Variants in KCNIP4 observed in about 807,000 individuals in gnomAD.
The protein encoded by KCNIP4 is Kv channel-interacting protein 4.
In KCNIP4, 12 loss-of-function variants were observed where a neutral mutation model predicts 34.0. The ratio of observed to expected loss-of-function variants is 0.35; its 90% CI spans 0.23 to 0.57. KCNIP4 has a LOEUF of 0.57. Among genes scored for constraint, KCNIP4 ranks in the 20% least tolerant of loss-of-function variants. The pLI, the probability that KCNIP4 is intolerant of heterozygous loss-of-function variation, is 0.83. For synonymous variants in KCNIP4, 124 were observed against 102.2 expected, an observed-to-expected ratio of 1.21 and a Z score of -1.29; for missense variants, 238 against 311.7, an observed-to-expected ratio of 0.76 and a Z score of 1.78.
At chr4:21,050,284 A>G (rs1177370029) in intron 1 of KCNIP4, among the ~76,000 whole-genome samples, 1 of 152,184 alleles carries the variant, frequency 6.6e-6, no homozygotes, top group Non-Finnish European at 1.5e-5. Context: ...GTCTCATTTA[A>G]ATATAACTAA....
intron 1 of KCNIP4, among the ~76,000 whole-genome samples, chr4:21,577,414 G>T (rs1560530542): frequency 6.6e-6 from 1 of 152,058 alleles, no homozygotes. Context: ...CAGACCACCT[G>T]AGGTCAGGTG....
At chr4:21,894,522 A>G (rs1390001555) in intron 1 of KCNIP4, among the ~76,000 whole-genome samples, 2 of 152,146 alleles carry the variant, frequency 1.3e-5, no homozygotes, top group African/African-American at 4.8e-5. Context: ...GGAAACACAG[A>G]GCTTACAAAA....
At chr4:21,537,678 C>T (rs895890544) in intron 1 of KCNIP4, among the ~76,000 whole-genome samples, 2 of 151,950 alleles carry the variant, frequency 1.3e-5, no homozygotes, top group Non-Finnish European at 2.9e-5. Flanking sequence ...TTAGAGAGGG[C>T]CCTGAACCCA....
intron 1 of KCNIP4, among the ~76,000 whole-genome samples, chr4:20,910,790 T>C (rs1489970204): frequency 6.6e-6 from 1 of 152,190 alleles, no homozygotes; most frequent in Non-Finnish European, 1.5e-5. Flanking sequence ...TCTGATGGCA[T>C]TGCACTGAAG....
intron 1 of KCNIP4, among the ~76,000 whole-genome samples, chr4:21,624,237 A>T (rs898487770): frequency 6.6e-6 from 1 of 152,208 alleles, no homozygotes; most frequent in Non-Finnish European, 1.5e-5. Context: ...GAAGAGTAAT[A>T]ACTAGCTCAT....
intron 1 of KCNIP4, among the ~76,000 whole-genome samples, chr4:21,126,617 C>CAAAAAAAAAAAAAAAAA (rs71655615): frequency 2.4e-5 from 2 of 82,064 alleles, no homozygotes; most frequent in African/African-American, 4.3e-5. Context: ...AGAGAAATAG[C>CAAAAAAAAAAAAAAAAA]AAAAAAAAAA....
At chr4:20,748,659 C>T (rs1045386821) in intron 5 of KCNIP4, among the ~76,000 whole-genome samples, 1 of 135,194 alleles carries the variant, frequency 7.4e-6, no homozygotes, top group Non-Finnish European at 1.6e-5. Context: ...AATCACAAAG[C>T]AAAATATGTA....
chr4:20,950,270 T>C (rs1230451854), intron 1 of KCNIP4, among the ~76,000 whole-genome samples: 1 of 152,134 alleles, frequency 6.6e-6, no homozygotes, highest in Non-Finnish European at 1.5e-5. Flanking sequence ...GATCTAGCTG[T>C]AGCTAGCATG....
At chr4:20,827,362 C>G (rs1489141372) in intron 3 of KCNIP4, among the ~76,000 whole-genome samples, 2 of 152,158 alleles carry the variant, frequency 1.3e-5, no homozygotes, top group Admixed American at 6.5e-5. Flanking sequence ...TTGCAGATGA[C>G]TAGCCTCTTG....
At chr4:21,677,598 G>A (rs1210578735) in intron 1 of KCNIP4, among the ~76,000 whole-genome samples, 1 of 152,170 alleles carries the variant, frequency 6.6e-6, no homozygotes, top group Non-Finnish European at 1.5e-5. Context: ...AGGGCATCCT[G>A]TTCCACTGGT....
intron 1 of KCNIP4, among the ~76,000 whole-genome samples, chr4:20,920,005 T>G (rs1439584763): frequency 6.6e-6 from 1 of 152,180 alleles, no homozygotes; most frequent in Admixed American, 6.5e-5. Context: ...GTAATGTTTA[T>G]TGAATGGCTC....
At chr4:20,900,779 T>G (rs1727078768) in intron 1 of KCNIP4, among the ~76,000 whole-genome samples, 1 of 151,702 alleles carries the variant, frequency 6.6e-6, no homozygotes, top group African/African-American at 2.4e-5. Flanking sequence ...AAGAAAACAG[T>G]GTTGTTAAAA....
At chr4:21,900,714 T>C (rs769448964) in intron 1 of KCNIP4, among the ~76,000 whole-genome samples, 1 of 152,222 alleles carries the variant, frequency 6.6e-6, no homozygotes, top group Non-Finnish European at 1.5e-5. Context: ...CTAGGAATAG[T>C]GTAAACATTG....
chr4:21,238,295 A>C (rs1759529400), intron 1 of KCNIP4, among the ~76,000 whole-genome samples: 1 of 152,134 alleles, frequency 6.6e-6, no homozygotes, highest in South Asian at 2.1e-4. Flanking sequence ...CAAAAACTGG[A>C]AGCATTCCCT....
chr4:21,817,337 G>A (rs1722046524), intron 1 of KCNIP4, among the ~76,000 whole-genome samples: 1 of 152,136 alleles, frequency 6.6e-6, no homozygotes, highest in African/African-American at 2.4e-5. Flanking sequence ...ATCTTCACAA[G>A]CTGAGGATAT....
chr4:21,467,937 C>G (rs1338601419), intron 1 of KCNIP4, among the ~76,000 whole-genome samples: 1 of 152,152 alleles, frequency 6.6e-6, no homozygotes, highest in African/African-American at 2.4e-5. Flanking sequence ...GTGTGGGCAG[C>G]AAGCCTTGGG....
intron 1 of KCNIP4, among the ~76,000 whole-genome samples, chr4:21,216,697 C>T (rs1439278396): frequency 6.6e-6 from 1 of 152,086 alleles, no homozygotes; most frequent in African/African-American, 2.4e-5. Context: ...TATATGGTTT[C>T]CCAGAGGAGT....
At chr4:21,833,429 G>C (rs1404172196) in intron 1 of KCNIP4, among the ~76,000 whole-genome samples, 1 of 151,952 alleles carries the variant, frequency 6.6e-6, no homozygotes, top group Non-Finnish European at 1.5e-5. Context: ...CCCACTTTTT[G>C]ATGGGGTTGT....
intron 1 of KCNIP4, among the ~76,000 whole-genome samples, chr4:21,377,623 G>A (rs549947578): frequency 6.6e-6 from 1 of 152,204 alleles, no homozygotes; most frequent in South Asian, 2.1e-4. Flanking sequence ...GCTTAATATT[G>A]GTACATCATT....
Sources: gnomAD v4.1 joint callset for allele counts (sites outside exome capture counted in the v4.1 genomes callset) on GRCh38, gnomAD v4.1.1 for gene constraint, MANE v1.5 for transcripts, NCBI Gene and HGNC (gene_info 2026-07-23, HGNC 2026-07-21) for gene names.